The following AGBL1 variants were observed in gnomAD, a reference collection of about 807,000 sequenced individuals.
AGBL1 encodes cytosolic carboxypeptidase 4.
A neutral mutation model predicts 118.9 loss-of-function variants in AGBL1; 130 were observed. The ratio of observed to expected loss-of-function variants is 1.09; its 90% CI spans 0.95 to 1.26. AGBL1 has a LOEUF of 1.26. AGBL1 is among the 50% of genes most tolerant of loss of function. The pLI, the probability that AGBL1 is intolerant of heterozygous loss-of-function variation, is 0.00. For missense variants in AGBL1, 1,584 were observed against 1,298.1 expected (o/e 1.22, Z -3.38); for synonymous variants, 555 against 478.9 (o/e 1.16, Z -2.08).
intron 18 of AGBL1, among the ~76,000 whole-genome samples, chr15:86,436,404 A>G (rs1158329710): frequency 6.6e-6 from 1 of 152,196 alleles, no homozygotes; most frequent in East Asian, 1.9e-4. Flanking sequence ...AAAAATAGAC[A>G]TAAAGATGGG....
intron 6 of AGBL1, among the ~76,000 whole-genome samples, chr15:86,232,456 A>G (rs1597595716): frequency 1.3e-5 from 2 of 152,286 alleles, no homozygotes; most frequent in East Asian, 3.9e-4. Flanking sequence ...TTGCTATTCC[A>G]TACTATCTGT....
Position 86,121,062 on chromosome 15 carries a change from A to G in AGBL1, c.52-20942A>G, listed in dbSNP as rs575927362. Among the ~76,000 whole-genome samples the G allele has an allele frequency of 2.6e-5, 4 of 151,928 alleles. No homozygotes were observed. The South Asian group carries it at 6.2e-4, about 24-fold the overall frequency. On this transcript the variant is annotated intron_variant, in intron 1 of 22. Transcript: ENST00000614907. Reference sequence around the variant, plus strand: ...CAGGCATGTGCCACCATGCCTGCCTAATTTTTATATTTTTTAGTAGAGACA... The same window carrying G: ...CAGGCATGTGCCACCATGCCTGCCTGATTTTTATATTTTTTAGTAGAGACA...
intron 23 of AGBL1, among the ~76,000 whole-genome samples, chr15:86,958,376 C>T (rs1395794679): frequency 1.3e-5 from 2 of 152,002 alleles, no homozygotes; most frequent in Non-Finnish European, 2.9e-5. Flanking sequence ...AAATGTCCTC[C>T]ATTGAGAACC....
At chr15:86,598,814 G>A (rs2084447823) in intron 21 of AGBL1, among the ~76,000 whole-genome samples, 1 of 152,112 alleles carries the variant, frequency 6.6e-6, no homozygotes, top group Admixed American at 6.6e-5. Flanking sequence ...CTTAGATTTT[G>A]TTGTTCTGTA....
intron 18 of AGBL1, among the ~76,000 whole-genome samples, chr15:86,471,439 C>T (rs2082477551): frequency 6.6e-6 from 1 of 150,604 alleles, no homozygotes; most frequent in Non-Finnish European, 1.5e-5. Context: ...CTGTTAAATT[C>T]ACTTTGTTTG....
At chr15:86,116,550 C>T (rs1486585852) in intron 1 of AGBL1, 1 of 152,228 alleles carries the variant, frequency 6.6e-6, no homozygotes, top group Non-Finnish European at 1.5e-5. Context: ...GGCCCGAATA[C>T]AACACAAAGA....
intron 18 of AGBL1, among the ~76,000 whole-genome samples, chr15:86,507,960 T>G (rs1286052815): frequency 1.3e-5 from 2 of 151,760 alleles, no homozygotes; most frequent in African/African-American, 4.8e-5. Context: ...AGAGGGTAGT[T>G]GATGCTCCTT....
rs750144535 is a variant in AGBL1, at chr15:86,256,989, C to A, written c.872C>A (p.Thr291Asn). 1 of 1,613,790 alleles carries A rather than the reference C, an allele frequency of 6.2e-7. No homozygotes were observed. Among genetic ancestry groups the A allele is most frequent in the Non-Finnish European group, 8.5e-7 (1 of 1,179,840 alleles). ...GCCTTCCCGGTCCCCGGGTGCATCA[C>A]CACTGAACCTCCACATGATCTACCT... The part of the protein sequence containing the change: ...AYAFPVPGCI[T>N]TEPPHDLPEE... Residue 291 changes from threonine to asparagine, a missense_variant, in exon 8 of 23, where the codon ACC becomes AAC. Transcript: ENST00000614907.
At chr15:86,520,597 A>T (rs1008150717) in intron 18 of AGBL1, among the ~76,000 whole-genome samples, 1 of 152,210 alleles carries the variant, frequency 6.6e-6, no homozygotes, top group African/African-American at 2.4e-5. Context: ...GGGAAAGAAG[A>T]TGTAGAGAGA....
chr15:86,584,020 AT>A (rs955699817), intron 21 of AGBL1, among the ~76,000 whole-genome samples: 2 of 151,920 alleles, frequency 1.3e-5, no homozygotes, highest in African/African-American at 4.8e-5. Context: ...TCTTTTACCC[AT>A]TTTTAATGGG....
chr15:86,794,248 A>G (rs1191257048), intron 22 of AGBL1, among the ~76,000 whole-genome samples: 2 of 152,240 alleles, frequency 1.3e-5, no homozygotes, highest in Non-Finnish European at 2.9e-5. Flanking sequence ...GTGTCTATAC[A>G]ACAGAATATT....
intron 13 of AGBL1, among the ~76,000 whole-genome samples, 196 bp downstream of exon 13, chr15:86,267,272 T>A (rs2079089441): frequency 6.6e-6 from 1 of 152,110 alleles, no homozygotes; most frequent in Admixed American, 6.6e-5. Flanking sequence ...TGTTAAACAT[T>A]TACCAGTACA....
chr15:86,774,165 C>T (rs375178455), intron 22 of AGBL1, among the ~76,000 whole-genome samples: 6 of 152,158 alleles, frequency 3.9e-5, no homozygotes, highest in Admixed American at 1.3e-4. Flanking sequence ...AAGAGAAGAC[C>T]GGGAACCTGA....
At chr15:86,262,176 G>C (rs936437369) in intron 9 of AGBL1, among the ~76,000 whole-genome samples, 4 of 141,774 alleles carry the variant, frequency 2.8e-5, no homozygotes, top group African/African-American at 1.1e-4. Context: ...CCATTCCCCA[G>C]TCTTAGTAAC....
At chr15:86,461,227 T>C (rs567753552) in intron 18 of AGBL1, among the ~76,000 whole-genome samples, 113 of 152,260 alleles carry the variant, frequency 7.4e-4, no homozygotes, top group African/African-American at 2.7e-3. Flanking sequence ...ACCAACACTC[T>C]AGAAAGTCCT....
chr15:86,197,345 G>A (rs1448900645), intron 5 of AGBL1, among the ~76,000 whole-genome samples: 2 of 152,198 alleles, frequency 1.3e-5, no homozygotes, highest in Non-Finnish European at 2.9e-5. Context: ...AGTGCAGCGC[G>A]ATGGAAAGAA....
intron 22 of AGBL1, among the ~76,000 whole-genome samples, chr15:86,781,702 C>A (rs749747775): frequency 8.6e-5 from 13 of 151,854 alleles, no homozygotes; most frequent in Non-Finnish European, 1.6e-4. Flanking sequence ...TCACTAAAAT[C>A]TCCAGGGATG....
intron 5 of AGBL1, among the ~76,000 whole-genome samples, chr15:86,183,809 G>T (rs928357290): frequency 3.3e-5 from 5 of 152,170 alleles, no homozygotes; most frequent in Admixed American, 6.5e-5. Context: ...TCAATCAGAT[G>T]ATGCCGTTAC....
At chr15:86,742,381 T>G (rs968382694) in intron 22 of AGBL1, among the ~76,000 whole-genome samples, 1 of 152,198 alleles carries the variant, frequency 6.6e-6, no homozygotes, top group African/African-American at 2.4e-5. Context: ...ATGACAGAAG[T>G]GACTAAACTC....
Sources: gnomAD v4.1 joint callset for allele counts (sites outside exome capture counted in the v4.1 genomes callset) on GRCh38, gnomAD v4.1.1 for gene constraint, MANE v1.5 for transcripts, NCBI Gene and HGNC (gene_info 2026-07-23, HGNC 2026-07-21) for gene names.